Variants in PDZRN4 observed in about 807,000 individuals in gnomAD.
PDZRN4 encodes the protein PDZ domain containing ring finger 4.
In PDZRN4, 70 loss-of-function variants were observed where a neutral mutation model predicts 99.0. The observed-to-expected ratio is 0.71, with a 90% CI of 0.58 to 0.86. PDZRN4 has a LOEUF of 0.86. Among genes scored for constraint, PDZRN4 ranks in the 40% least tolerant of loss-of-function variants. PDZRN4 has a pLI of 0.00. For missense variants in PDZRN4, 1,474 were observed against 1,331.2 expected (o/e 1.11, Z -1.67); for synonymous variants, 551 against 501.6 (o/e 1.10, Z -1.32).
intron 4 of PDZRN4, among the ~76,000 whole-genome samples, chr12:41,508,767 G>A (rs987082709): frequency 6.6e-6 from 1 of 152,124 alleles, no homozygotes; most frequent in African/African-American, 2.4e-5. Context: ...GTGAGGAGAG[G>A]CTGGTAGAAT....
At chr12:41,276,144 G>A (rs900123810) in intron 3 of PDZRN4, among the ~76,000 whole-genome samples, 1 of 152,066 alleles carries the variant, frequency 6.6e-6, no homozygotes, top group Non-Finnish European at 1.5e-5. Context: ...GTCCTTGGAG[G>A]GCAAGAAAGC....
chr12:41,254,675 G>A lies in PDZRN4; in HGVS notation c.843+60487G>A, dbSNP rs1951192522. Among the ~76,000 whole-genome samples, 3 of 152,310 alleles carry A rather than the reference G, an allele frequency of 2.0e-5. No individual in the cohort carries two copies. In the South Asian group the frequency reaches 6.2e-4, roughly 32 times the overall value. On this transcript the variant is annotated intron_variant, in intron 3 of 9. Coordinates refer to ENST00000402685, the MANE Select transcript of PDZRN4 (RefSeq NM_001164595.2). Reference sequence around the variant, plus strand: ...TGCAGTCCCAAGTCTGAAGATGCAGGCAGTAAAACAAAGAAATTAAAATGC... The same window carrying A: ...TGCAGTCCCAAGTCTGAAGATGCAGACAGTAAAACAAAGAAATTAAAATGC...
At chr12:41,446,170 G>T (rs531938036) in intron 3 of PDZRN4, among the ~76,000 whole-genome samples, 2 of 152,122 alleles carry the variant, frequency 1.3e-5, no homozygotes, top group African/African-American at 4.8e-5. Context: ...TTGCTTTATG[G>T]TTGTTTAGGT....
intron 3 of PDZRN4, among the ~76,000 whole-genome samples, chr12:41,409,121 T>C (rs531319021): frequency 6.6e-6 from 1 of 152,128 alleles, no homozygotes; most frequent in Non-Finnish European, 1.5e-5. Flanking sequence ...GAGTTGAAGA[T>C]GATAAAATGT....
chr12:41,529,341 C>A (rs775749799), intron 5 of PDZRN4, among the ~76,000 whole-genome samples: 1 of 152,172 alleles, frequency 6.6e-6, no homozygotes, highest in Non-Finnish European at 1.5e-5. Flanking sequence ...GCACAGTCCT[C>A]TTTCCATGGC....
At chr12:41,233,779 G>C (rs1951046505) in intron 3 of PDZRN4, among the ~76,000 whole-genome samples, 1 of 149,286 alleles carries the variant, frequency 6.7e-6, no homozygotes, top group South Asian at 2.1e-4. Context: ...CACACACCCA[G>C]GACTGTTGTG....
At chr12:41,249,450 G>A (rs1307648874) in intron 3 of PDZRN4, among the ~76,000 whole-genome samples, 1 of 152,168 alleles carries the variant, frequency 6.6e-6, no homozygotes, top group East Asian at 1.9e-4. Flanking sequence ...TTGGATGCCA[G>A]ACAATATGGG....
At chr12:41,483,037 C>A (rs758408667) in intron 3 of PDZRN4, among the ~76,000 whole-genome samples, 107 of 151,816 alleles carry the variant, frequency 7.0e-4, no homozygotes, top group Non-Finnish European at 1.3e-3. Context: ...ATATATATTA[C>A]ATGTGGCATT....
chr12:41,537,437 G>A (rs948684816), intron 5 of PDZRN4, among the ~76,000 whole-genome samples: 6 of 152,090 alleles, frequency 3.9e-5, no homozygotes, highest in East Asian at 1.9e-4. Context: ...GATAGTAAAC[G>A]AAGTGGCATA....
intron 3 of PDZRN4, among the ~76,000 whole-genome samples, chr12:41,343,093 G>A (rs1381227675): frequency 1.3e-5 from 2 of 151,850 alleles, no homozygotes; most frequent in Non-Finnish European, 2.9e-5. Flanking sequence ...GGGCCTGGAG[G>A]ATATAATGTT....
intron 3 of PDZRN4, among the ~76,000 whole-genome samples, chr12:41,376,192 G>T (rs1184786151): frequency 6.6e-6 from 1 of 152,110 alleles, no homozygotes; most frequent in Non-Finnish European, 1.5e-5. Flanking sequence ...GAACATGGGA[G>T]TGCTGGTATC....
chr12:41,267,750 A>C (rs1030186499), intron 3 of PDZRN4, among the ~76,000 whole-genome samples: 1 of 152,142 alleles, frequency 6.6e-6, no homozygotes, highest in East Asian at 1.9e-4. Flanking sequence ...CTGAGGTAGG[A>C]GAATTGCGTG....
At chr12:41,379,297 T>A (rs1332448225) in intron 3 of PDZRN4, among the ~76,000 whole-genome samples, 1 of 151,044 alleles carries the variant, frequency 6.6e-6, no homozygotes, top group Admixed American at 6.6e-5. Context: ...ATCAATTTTG[T>A]TTAGCTTTTC....
At chr12:41,545,509 A>ATGTG (rs61040270) in intron 5 of PDZRN4, among the ~76,000 whole-genome samples, 3,836 of 143,032 alleles carry the variant, frequency 0.027, 63 homozygotes, top group Non-Finnish European at 0.035. Context: ...GATGATATTA[A>ATGTG]TGTGTGTGTG....
chr12:41,360,245 A>G (rs1951955108), intron 3 of PDZRN4, among the ~76,000 whole-genome samples: 1 of 152,010 alleles, frequency 6.6e-6, no homozygotes, highest in African/African-American at 2.4e-5. Context: ...ATCTTCTAAG[A>G]ACTATTTATA....
chr12:41,189,918 G>C (rs986355394), intron 1 of PDZRN4, among the ~76,000 whole-genome samples: 1 of 152,098 alleles, frequency 6.6e-6, no homozygotes, highest in Admixed American at 6.5e-5. Flanking sequence ...GCCCCGAACT[G>C]CGCTCCTGGT....
At chr12:41,483,431 T>A (rs1937714863) in intron 3 of PDZRN4, among the ~76,000 whole-genome samples, 1 of 152,036 alleles carries the variant, frequency 6.6e-6, no homozygotes, top group African/African-American at 2.4e-5. Context: ...TTTTGCAGGG[T>A]GGGAGAGGAA....
chr12:41,335,838 C>T (rs1196198846), intron 3 of PDZRN4, among the ~76,000 whole-genome samples: 2 of 152,058 alleles, frequency 1.3e-5, no homozygotes, highest in Non-Finnish European at 1.5e-5. Context: ...AGCTTTATCT[C>T]ATTATTTAAT....
chr12:41,289,341 A>C (rs1951441499), intron 3 of PDZRN4, among the ~76,000 whole-genome samples: 1 of 152,238 alleles, frequency 6.6e-6, no homozygotes, highest in African/African-American at 2.4e-5. Context: ...AAACTATAAT[A>C]ATAGTACATT....
Sources: allele counts gnomAD v4.1 joint callset (sites outside exome capture counted in the v4.1 genomes callset), GRCh38; gene constraint gnomAD v4.1.1; transcripts MANE v1.5; gene names NCBI Gene and HGNC (gene_info 2026-07-23, HGNC 2026-07-21).